ATP8A2: variants seen among roughly 807,000 people sequenced by gnomAD.
The protein encoded by ATP8A2 is phospholipid-transporting ATPase IB.
Under a neutral mutation model 165.6 loss-of-function variants are expected in ATP8A2, and 100 were observed. That is an observed-to-expected ratio of 0.60 (90% CI 0.51 to 0.71). The LOEUF is 0.71. Among genes scored for constraint, ATP8A2 ranks in the 30% least tolerant of loss-of-function variants. ATP8A2 has a pLI of 0.00. For synonymous variants in ATP8A2, 543 were observed against 548.8 expected (o/e 0.99, Z 0.15); for missense variants, 1,227 against 1,479.5 (o/e 0.83, Z 2.80).
At chr13:25,678,289 T>G (rs2042412531) in intron 24 of ATP8A2, among the ~76,000 whole-genome samples, 1 of 152,070 alleles carries the variant, frequency 6.6e-6, no homozygotes, top group Admixed American at 6.6e-5. Flanking sequence ...GGCGGTAATT[T>G]CAGCAACAAG....
chr13:25,633,396 A>G (rs1258657905), intron 24 of ATP8A2, among the ~76,000 whole-genome samples: 1 of 152,194 alleles, frequency 6.6e-6, no homozygotes, highest in Admixed American at 6.5e-5. Context: ...GCCTCAGAAC[A>G]GCTTACTTTT....
At chr13:25,461,349 T>C (rs1250640897) in intron 1 of ATP8A2, among the ~76,000 whole-genome samples, 6 of 152,228 alleles carry the variant, frequency 3.9e-5, no homozygotes, top group South Asian at 2.1e-4. Flanking sequence ...GGAGAAATAA[T>C]CAGCCCAGTG....
intron 1 of ATP8A2, among the ~76,000 whole-genome samples, chr13:25,398,985 C>G (rs1383634697): frequency 6.6e-6 from 1 of 152,134 alleles, no homozygotes; most frequent in East Asian, 1.9e-4. Context: ...ATTTTTACTA[C>G]TATTACCCTT....
chr13:25,759,436 T>C (rs920495604), intron 25 of ATP8A2, among the ~76,000 whole-genome samples: 1 of 152,158 alleles, frequency 6.6e-6, no homozygotes, highest in African/African-American at 2.4e-5. Flanking sequence ...TCCTCTCAGT[T>C]CTGATTCCTA....
chr13:25,898,092 T>C (rs1036221687), intron 33 of ATP8A2, among the ~76,000 whole-genome samples: 1 of 152,098 alleles, frequency 6.6e-6, no homozygotes, highest in Non-Finnish European at 1.5e-5. Context: ...CTGCATTCCT[T>C]TGGAGGTGCT....
At chr13:25,698,417 G>A (rs954827392) in intron 24 of ATP8A2, among the ~76,000 whole-genome samples, 1 of 152,012 alleles carries the variant, frequency 6.6e-6, no homozygotes, top group Admixed American at 6.6e-5. Flanking sequence ...TTTTTTCGTA[G>A]AGACGGGGTT....
chr13:25,663,604 C>G (rs2042094080), intron 24 of ATP8A2, among the ~76,000 whole-genome samples: 1 of 152,150 alleles, frequency 6.6e-6, no homozygotes, highest in Admixed American at 6.5e-5. Context: ...GGATCGCAGA[C>G]CAGCTACTTT....
At chr13:25,415,862 C>T (rs916020896) in intron 1 of ATP8A2, among the ~76,000 whole-genome samples, 17 of 152,236 alleles carry the variant, frequency 1.1e-4, no homozygotes, top group African/African-American at 4.1e-4. Flanking sequence ...CAGGATCTTG[C>T]TCTGCCACCC....
At chr13:25,706,639 A>C (rs1452105821) in intron 25 of ATP8A2, among the ~76,000 whole-genome samples, 2 of 152,160 alleles carry the variant, frequency 1.3e-5, no homozygotes, top group African/African-American at 2.4e-5. Flanking sequence ...GTAGGGATCC[A>C]ATTGTACACT....
chr13:25,668,146 A>G (rs2042192136), intron 24 of ATP8A2, among the ~76,000 whole-genome samples: 1 of 152,132 alleles, frequency 6.6e-6, no homozygotes, highest in African/African-American at 2.4e-5. Flanking sequence ...TTATTTCTTC[A>G]TATAGCTTTG....
At chr13:25,876,710 T>C (rs1341598768) in intron 33 of ATP8A2, among the ~76,000 whole-genome samples, 1 of 152,220 alleles carries the variant, frequency 6.6e-6, no homozygotes, top group African/African-American at 2.4e-5. Context: ...AACATATGAA[T>C]TTTATTTTGT....
At chr13:25,498,818 C>T (rs2036759483) in intron 2 of ATP8A2, among the ~76,000 whole-genome samples, 1 of 152,128 alleles carries the variant, frequency 6.6e-6, no homozygotes, top group Admixed American at 6.5e-5. Flanking sequence ...GAAAGTGAGG[C>T]ATGGACTGAT....
chr13:26,009,196 T>C (rs1956795883), intron 35 of ATP8A2, among the ~76,000 whole-genome samples: 1 of 152,124 alleles, frequency 6.6e-6, no homozygotes, highest in Non-Finnish European at 1.5e-5. Flanking sequence ...GGTATAAGAG[T>C]ACCAGTGGAG....
intron 1 of ATP8A2, among the ~76,000 whole-genome samples, chr13:25,423,034 T>A (rs775968727): frequency 6.6e-6 from 1 of 152,144 alleles, no homozygotes; most frequent in Non-Finnish European, 1.5e-5. Context: ...CATTAGTGAC[T>A]CCATTTTGGT....
At chr13:26,008,456 G>A (rs745845123) in intron 35 of ATP8A2, among the ~76,000 whole-genome samples, 4 of 151,902 alleles carry the variant, frequency 2.6e-5, no homozygotes, top group Non-Finnish European at 5.9e-5. Flanking sequence ...TGAGGGATGT[G>A]GAAGATAGAA....
At chr13:25,482,475 C>T (rs2036233989) in intron 2 of ATP8A2, among the ~76,000 whole-genome samples, 1 of 151,992 alleles carries the variant, frequency 6.6e-6, no homozygotes, top group African/African-American at 2.4e-5. Flanking sequence ...AGCCTGGAAA[C>T]TTGGGTGGGG....
At chr13:25,522,287 T>C (rs1364216741) in intron 2 of ATP8A2, among the ~76,000 whole-genome samples, 1 of 152,198 alleles carries the variant, frequency 6.6e-6, no homozygotes, top group Non-Finnish European at 1.5e-5. Context: ...TGTTGGCATA[T>C]AGAAATGCTA....
At chr13:25,761,889 A>G (rs1401834980) in intron 25 of ATP8A2, among the ~76,000 whole-genome samples, 2 of 151,938 alleles carry the variant, frequency 1.3e-5, no homozygotes, top group Non-Finnish European at 2.9e-5. Context: ...GCCAGGAAAA[A>G]AAACTAAGCT....
intron 33 of ATP8A2, among the ~76,000 whole-genome samples, chr13:25,934,973 G>A (rs973573716): frequency 5.9e-5 from 9 of 152,128 alleles, no homozygotes; most frequent in African/African-American, 4.8e-5. Context: ...TGGAGAGTTC[G>A]ATTTGCCAAC....
Sources: gnomAD v4.1 joint callset for allele counts (sites outside exome capture counted in the v4.1 genomes callset) on GRCh38, gnomAD v4.1.1 for gene constraint, MANE v1.5 for transcripts, NCBI Gene and HGNC (gene_info 2026-07-23, HGNC 2026-07-21) for gene names.